Variants in PCDH7 observed in about 807,000 individuals in gnomAD.
PCDH7 encodes the protein protocadherin-7.
A neutral mutation model predicts 58.9 loss-of-function variants in PCDH7; 17 were observed. The observed-to-expected ratio is 0.29, with a 90% CI of 0.20 to 0.43. The LOEUF (loss-of-function observed/expected upper bound fraction) is 0.43, where lower values mean the gene tolerates loss of function less well. Ranked by LOEUF, PCDH7 falls within the 20% of genes least tolerant of loss-of-function variation. The pLI, the probability that PCDH7 is intolerant of heterozygous loss-of-function variation, is 1.00. For synonymous variants in PCDH7, 664 were observed against 616.4 expected, an observed-to-expected ratio of 1.08 and a Z score of -1.14; for missense variants, 1,274 against 1,441.0, an observed-to-expected ratio of 0.88 and a Z score of 1.88.
At chr4:30,967,145 T>C (rs1749070706) in intron 3 of PCDH7, among the ~76,000 whole-genome samples, 1 of 152,028 alleles carries the variant, frequency 6.6e-6, no homozygotes, top group African/African-American at 2.4e-5. Flanking sequence ...TAAATCCATA[T>C]AAGAATTGTG....
downstream of PCDH7, chr4:31,143,404 A>C (rs2109350605): frequency 6.6e-6 from 1 of 152,346 alleles, no homozygotes; most frequent in South Asian, 2.1e-4. Context: ...AGAAAGAGGG[A>C]CTGTATTAAA....
intron 3 of PCDH7, among the ~76,000 whole-genome samples, chr4:31,111,991 G>A (rs1025524166): frequency 1.3e-5 from 2 of 152,148 alleles, no homozygotes; most frequent in Non-Finnish European, 2.9e-5. Context: ...ATAAATTAAT[G>A]AGTCAGCATT....
intron 1 of PCDH7, among the ~76,000 whole-genome samples, chr4:30,794,689 A>G (rs1724563977): frequency 6.6e-6 from 1 of 151,504 alleles, no homozygotes; most frequent in Non-Finnish European, 1.5e-5. Flanking sequence ...TTTAGTAGGG[A>G]TTTTTGGCAA....
intron 3 of PCDH7, among the ~76,000 whole-genome samples, chr4:31,108,879 A>T (rs1238845021): frequency 6.6e-6 from 1 of 152,092 alleles, no homozygotes; most frequent in African/African-American, 2.4e-5. Context: ...AAGGCAATAA[A>T]CATTTCTTAC....
At chr4:30,739,159 A>T (rs1012317784) in intron 1 of PCDH7, among the ~76,000 whole-genome samples, 1 of 144,406 alleles carries the variant, frequency 6.9e-6, no homozygotes, top group Non-Finnish European at 1.5e-5. Context: ...TTATATATAT[A>T]TTATATATAT....
At chr4:31,119,592 G>A (rs1717405869) in intron 3 of PCDH7, among the ~76,000 whole-genome samples, 1 of 152,122 alleles carries the variant, frequency 6.6e-6, no homozygotes. Flanking sequence ...ATACTTGAAA[G>A]AGACCCAAGC....
At position 31,055,767 on chromosome 4, in the gene PCDH7, G is replaced by A. The variant is rs148161449; in HGVS notation, c.*8-86706G>A. ...AATTTTTGTATTTTTAGTAGAGGCG[G>A]GGTTTCGCCATGTTAGCCAGGCTGG... On this transcript the variant is annotated intron_variant, in intron 3 of 3. Transcript: ENST00000509759. Among the ~76,000 whole-genome samples the A allele has an allele frequency of 9.5e-4, 145 of 151,914 alleles. 1 individual carries two copies. The East Asian group carries it at 0.027, about 28-fold the overall frequency.
chr4:30,886,669 C>A (rs1737833517), intron 1 of PCDH7, among the ~76,000 whole-genome samples: 1 of 151,100 alleles, frequency 6.6e-6, no homozygotes, highest in South Asian at 2.1e-4. Context: ...AAGACACATG[C>A]ACACGTATGT....
intron 1 of PCDH7, among the ~76,000 whole-genome samples, chr4:30,901,220 A>G (rs1740174067): frequency 6.6e-6 from 1 of 152,182 alleles, no homozygotes; most frequent in Admixed American, 6.6e-5. Flanking sequence ...CAGCTTCCAA[A>G]AAGATGTGAG....
At chr4:30,730,985 A>C in exon 2 of PCDH7, 1 of 1,265,048 alleles carries the variant, frequency 7.9e-7, no homozygotes, top group Non-Finnish European at 1.0e-6. Flanking sequence ...TGTATGAAAC[A>C]GTATTAATGC....
rs528943597 is a variant in PCDH7 at position 30,918,986 on chromosome 4, C to T, written c.71-1167C>T. Among the ~76,000 whole-genome samples, 5 of 152,122 alleles carry T rather than the reference C, an allele frequency of 3.3e-5. No homozygotes were observed. In the South Asian group the frequency reaches 1.0e-3, roughly 32 times the overall value. ...TTTCTAAAATTCTACTGGTCCAGGT[C>T]GTAATTAGTAATTTGTATCATGAAC... On this transcript the variant is annotated intron_variant, in intron 1 of 3. Transcript: ENST00000509759.
chr4:30,982,906 A>G (rs1189672988), intron 3 of PCDH7, among the ~76,000 whole-genome samples: 1 of 152,214 alleles, frequency 6.6e-6, no homozygotes, highest in African/African-American at 2.4e-5. Context: ...TTTTAGAGAG[A>G]ATTAAAAATT....
chr4:30,806,155 G>A (rs890416982), intron 1 of PCDH7, among the ~76,000 whole-genome samples: 1 of 152,084 alleles, frequency 6.6e-6, no homozygotes, highest in African/African-American at 2.4e-5. Context: ...TTCAGTGGCT[G>A]TTGATCACAT....
In PCDH7 at chr4:31,097,638, A is replaced by ATAAAATC. The variant is rs370034723; in HGVS notation, c.*8-44835_*8-44834insTAAAATC. On this transcript the variant is annotated intron_variant, in intron 3 of 3. Coordinates refer to the PCDH7 transcript ENST00000509759. ...TATATATATATATATATATATATAT[A>ATAAAATC]AATCTTTTTTCTGTAATTTCTGTAA... 6.3e-3 allele frequency among the ~76,000 whole-genome samples: 497 copies of ATAAAATC among 79,184 alleles called. 98 individuals carry two copies. Among genetic ancestry groups the ATAAAATC allele is most frequent in the African/African-American group, 0.022 (375 of 17,338 alleles). 51.9% of individuals were successfully genotyped at this position (79,184 alleles called of 152,430 possible).
chr4:30,727,783 A>G (rs1577554774), intron 1 of PCDH7, among the ~76,000 whole-genome samples: 1 of 152,020 alleles, frequency 6.6e-6, no homozygotes, highest in Non-Finnish European at 1.5e-5. Context: ...GTATTTTACT[A>G]TGTGCTAAGC....
intron 3 of PCDH7, among the ~76,000 whole-genome samples, chr4:31,126,718 C>G (rs544408956): frequency 6.6e-6 from 1 of 152,248 alleles, no homozygotes; most frequent in Admixed American, 6.5e-5. Flanking sequence ...TTTTGTCCAT[C>G]TGATGATTCA....
exon 2 of PCDH7, chr4:30,731,839 GTTATGTCGTA>G (rs1715547373): frequency 6.6e-6 from 1 of 151,980 alleles, no homozygotes; most frequent in South Asian, 2.1e-4. Flanking sequence ...GTCTTTATTT[GTTATGTCGTA>G]TGTGTTTATG....
intron 1 of PCDH7, among the ~76,000 whole-genome samples, chr4:30,803,244 C>G (rs531983455): frequency 2.6e-5 from 4 of 152,052 alleles, no homozygotes; most frequent in Admixed American, 2.0e-4. Flanking sequence ...TCAAAACAGC[C>G]CATTTTGTAT....
chr4:31,028,506 A>G lies in PCDH7; in HGVS notation c.*7+78291A>G, dbSNP rs142097070. On this transcript the variant is annotated intron_variant, in intron 3 of 3. Coordinates refer to the PCDH7 transcript ENST00000509759. Reference sequence around the variant, plus strand: ...CTCTAAAAATAAAATAAAATTTAAAAATTCACCAGTCATGGTGGTACACCT... The same window carrying G: ...CTCTAAAAATAAAATAAAATTTAAAGATTCACCAGTCATGGTGGTACACCT... Among the ~76,000 whole-genome samples the G allele has an allele frequency of 5.5e-3, 837 of 152,208 alleles. 5 individuals carry two copies. The highest frequency in any genetic ancestry group is 0.019 in the African/African-American group (798 of 41,528).
Sources: gnomAD v4.1 joint callset for allele counts (sites outside exome capture counted in the v4.1 genomes callset) on GRCh38, gnomAD v4.1.1 for gene constraint, MANE v1.5 for transcripts, NCBI Gene and HGNC (gene_info 2026-07-23, HGNC 2026-07-21) for gene names.